GAREM1: variants seen among roughly 807,000 people sequenced by gnomAD.
The protein encoded by GAREM1 is GRB2-associated and regulator of MAPK protein 1.
GAREM1 carries 26 observed loss-of-function variants against 71.3 expected under a neutral mutation model. The ratio of observed to expected loss-of-function variants is 0.36; its 90% CI spans 0.27 to 0.51. The LOEUF (loss-of-function observed/expected upper bound fraction) is 0.51, where lower values mean the gene tolerates loss of function less well. Ranked by LOEUF, GAREM1 falls within the 20% of genes least tolerant of loss-of-function variation. The pLI is 0.95. For synonymous variants in GAREM1, 440 were observed against 433.2 expected (o/e 1.02, Z -0.20); for missense variants, 1,026 against 1,103.1 (o/e 0.93, Z 0.99).
At chr18:32,286,497 A>T (rs1218698540) in intron 4 of GAREM1, among the ~76,000 whole-genome samples, 1 of 152,080 alleles carries the variant, frequency 6.6e-6, no homozygotes, top group African/African-American at 2.4e-5. Context: ...CTCCTCCTTC[A>T]GTCTTCCCCA....
At chr18:32,275,586 C>G (rs879460079) in intron 4 of GAREM1, among the ~76,000 whole-genome samples, 16 of 152,330 alleles carry the variant, frequency 1.1e-4, no homozygotes, top group Admixed American at 5.2e-4. Flanking sequence ...GTACCCAAAG[C>G]CTCGCTTCCT....
At chr18:32,405,766 A>C (rs1225156142) in intron 1 of GAREM1, among the ~76,000 whole-genome samples, 1 of 152,218 alleles carries the variant, frequency 6.6e-6, no homozygotes, top group African/African-American at 2.4e-5. Flanking sequence ...ACTCTCAGGA[A>C]TACCTTGGAA....
chr18:32,342,806 A>G (rs1469053956), intron 2 of GAREM1, among the ~76,000 whole-genome samples: 1 of 152,214 alleles, frequency 6.6e-6, no homozygotes, highest in Non-Finnish European at 1.5e-5. Flanking sequence ...AAAGCTCAGA[A>G]GACTTTGCAG....
intron 2 of GAREM1, among the ~76,000 whole-genome samples, chr18:32,337,826 C>T (rs1047045491): frequency 5.9e-5 from 9 of 152,142 alleles, no homozygotes; most frequent in Admixed American, 2.6e-4. Context: ...AATCATCGCC[C>T]GGAGAACTCA....
At chr18:32,282,867 T>C (rs561181039) in intron 4 of GAREM1, among the ~76,000 whole-genome samples, 2 of 152,262 alleles carry the variant, frequency 1.3e-5, no homozygotes, top group African/African-American at 4.8e-5. Context: ...AAGATTGCTC[T>C]TGAAGATTGC....
intron 1 of GAREM1, among the ~76,000 whole-genome samples, chr18:32,400,584 C>T (rs537452459): frequency 1.4e-4 from 21 of 152,320 alleles, no homozygotes; most frequent in African/African-American, 5.1e-4. Context: ...TGCTCATCAT[C>T]ACTGGCCATC....
chr18:32,283,710 T>C (rs1282117581), intron 4 of GAREM1, among the ~76,000 whole-genome samples: 1 of 152,072 alleles, frequency 6.6e-6, no homozygotes, highest in Admixed American at 6.6e-5. Context: ...AATACATGAA[T>C]GGGATTAAAC....
chr18:32,357,594 T>C (rs1294182787), intron 2 of GAREM1, among the ~76,000 whole-genome samples: 1 of 152,226 alleles, frequency 6.6e-6, no homozygotes, highest in African/African-American at 2.4e-5. Flanking sequence ...GCTCTGATTG[T>C]TGCATCAGCT....
chr18:32,378,084 G>A lies in GAREM1; in HGVS notation c.262+14811C>T, dbSNP rs191478450. Among the ~76,000 whole-genome samples, 705 of 151,418 alleles carry A rather than the reference G, an allele frequency of 4.7e-3. 2 individuals carry two copies. The highest frequency in any genetic ancestry group is 8.4e-3 in the Non-Finnish European group (567 of 67,904). On this transcript the variant is annotated intron_variant, in intron 2 of 5. Transcript: ENST00000269209. ...CGCGCGGGCGCTTTGGAGGAGGGCA[G>A]GGTTGAGGTGAAGTGAAGTGATAAA...
Position 32,359,013 on chromosome 18 carries a change from G to A in GAREM1, c.262+33882C>T, listed in dbSNP as rs563773394. Reference sequence around the variant, plus strand: ...AACCCACACCTCACTGGAAGAACCCGTCAGCCATCCTCAGCTGTGCAGTTT... The same window carrying A: ...AACCCACACCTCACTGGAAGAACCCATCAGCCATCCTCAGCTGTGCAGTTT... On this transcript the variant is annotated intron_variant, in intron 2 of 5. Coordinates refer to ENST00000269209, the MANE Select transcript of GAREM1 (RefSeq NM_001242409.2). Among the ~76,000 whole-genome samples the A allele has an allele frequency of 4.6e-5, 7 of 152,260 alleles. No homozygotes were observed. The East Asian group carries it at 5.8e-4, about 13-fold the overall frequency.
intron 1 of GAREM1, among the ~76,000 whole-genome samples, chr18:32,426,634 C>T (rs1599039436): frequency 6.6e-6 from 1 of 152,142 alleles, no homozygotes; most frequent in African/African-American, 2.4e-5. Flanking sequence ...CCTCTTCCAC[C>T]TCTACTTAAG....
At chr18:32,347,207 T>C (rs933134694) in intron 2 of GAREM1, among the ~76,000 whole-genome samples, 3 of 152,160 alleles carry the variant, frequency 2.0e-5, no homozygotes, top group Admixed American at 6.5e-5. Flanking sequence ...AACAATACCA[T>C]TATAAAAACA....
At chr18:32,353,705 C>T (rs1298704689) in intron 2 of GAREM1, among the ~76,000 whole-genome samples, 1 of 152,060 alleles carries the variant, frequency 6.6e-6, no homozygotes, top group African/African-American at 2.4e-5. Context: ...ACAATCATAC[C>T]ACCACTGGCA....
intron 2 of GAREM1, among the ~76,000 whole-genome samples, chr18:32,335,088 C>A (rs554050448): frequency 1.3e-5 from 2 of 152,344 alleles, no homozygotes; most frequent in South Asian, 4.1e-4. Context: ...AACTTAATTT[C>A]CTGTCCAGTA....
At chr18:32,283,946 G>A (rs1162069739) in intron 4 of GAREM1, among the ~76,000 whole-genome samples, 1 of 152,112 alleles carries the variant, frequency 6.6e-6, no homozygotes, top group African/African-American at 2.4e-5. Context: ...AACTTTCAAG[G>A]GAAGCCAACA....
At chr18:32,314,176 A>G (rs1055395424) in intron 2 of GAREM1, among the ~76,000 whole-genome samples, 1 of 151,674 alleles carries the variant, frequency 6.6e-6, no homozygotes, top group African/African-American at 2.4e-5. Flanking sequence ...ATTTGTCTCT[A>G]TTCCTACCTG....
intron 4 of GAREM1, among the ~76,000 whole-genome samples, chr18:32,284,035 A>G (rs570007537): frequency 1.3e-5 from 2 of 152,190 alleles, no homozygotes; most frequent in Non-Finnish European, 2.9e-5. Flanking sequence ...GGAACTATCC[A>G]AATAACTTTT....
chr18:32,417,025 A>C (rs969434516), intron 1 of GAREM1, among the ~76,000 whole-genome samples: 4 of 152,222 alleles, frequency 2.6e-5, no homozygotes, highest in African/African-American at 7.2e-5. Context: ...TCTATAGGAA[A>C]AAAATCTAGT....
chr18:32,323,881 T>C (rs1227959404), intron 2 of GAREM1, among the ~76,000 whole-genome samples: 1 of 151,426 alleles, frequency 6.6e-6, no homozygotes, highest in East Asian at 1.9e-4. Context: ...TTATTTAGTA[T>C]GAAAAGAGAA....
Sources: gnomAD v4.1 joint callset for allele counts (sites outside exome capture counted in the v4.1 genomes callset) on GRCh38, gnomAD v4.1.1 for gene constraint, MANE v1.5 for transcripts, NCBI Gene and HGNC (gene_info 2026-07-23, HGNC 2026-07-21) for gene names.